Variants in HDAC9 observed in about 807,000 individuals in gnomAD.
HDAC9 encodes histone deacetylase 9.
A neutral mutation model predicts 139.4 loss-of-function variants in HDAC9; 41 were observed. The observed-to-expected ratio is 0.29, with a 90% CI of 0.23 to 0.38. HDAC9 has a LOEUF of 0.38. HDAC9 is among the 10% of genes least tolerant of loss of function. The pLI is 1.00. For missense variants in HDAC9, 1,147 were observed against 1,297.0 expected (o/e 0.88, Z 1.78); for synonymous variants, 517 against 476.2 (o/e 1.09, Z -1.12).
intron 1 of HDAC9, among the ~76,000 whole-genome samples, chr7:18,484,983 A>G (rs560961293): frequency 6.6e-6 from 1 of 152,282 alleles, no homozygotes; most frequent in South Asian, 2.1e-4. Flanking sequence ...TCCTTCAGAC[A>G]TAGCCAAAAT....
chr7:18,728,017 A>G (rs181517383), intron 13 of HDAC9, among the ~76,000 whole-genome samples: 19 of 152,264 alleles, frequency 1.2e-4, no homozygotes, highest in African/African-American at 4.6e-4. Flanking sequence ...GTTTTTTGGA[A>G]ATGAAAATCC....
At chr7:18,228,928 T>C (rs1258271145) in intron 2 of HDAC9, among the ~76,000 whole-genome samples, 1 of 152,196 alleles carries the variant, frequency 6.6e-6, no homozygotes, top group Non-Finnish European at 1.5e-5. Context: ...TTATGTGTGC[T>C]GAGGTCAAAA....
chr7:18,554,246 A>C (rs1381490074), intron 2 of HDAC9, among the ~76,000 whole-genome samples: 2 of 151,700 alleles, frequency 1.3e-5, no homozygotes, highest in African/African-American at 4.8e-5. Context: ...GGAATGATGC[A>C]TACCATAAAA....
chr7:18,459,467 GT>G (rs976675659), intron 1 of HDAC9, among the ~76,000 whole-genome samples: 5 of 151,278 alleles, frequency 3.3e-5, no homozygotes, highest in African/African-American at 7.3e-5. Flanking sequence ...TATTTTTCTA[GT>G]TTTTTTTTAA....
chr7:18,503,877 A>G (rs1799046573), intron 2 of HDAC9, among the ~76,000 whole-genome samples: 1 of 152,206 alleles, frequency 6.6e-6, no homozygotes, highest in Non-Finnish European at 1.5e-5. Context: ...GTGAATGTCT[A>G]AGGCATGACA....
At chr7:18,703,733 C>T (rs1195273938) in intron 12 of HDAC9, among the ~76,000 whole-genome samples, 1 of 148,512 alleles carries the variant, frequency 6.7e-6, no homozygotes, top group Non-Finnish European at 1.5e-5. Context: ...TGATATTTCC[C>T]CCTCTCCTTC....
chr7:18,098,889 C>T (rs1782676543), intron 1 of HDAC9, among the ~76,000 whole-genome samples: 1 of 152,130 alleles, frequency 6.6e-6, no homozygotes, highest in Admixed American at 6.5e-5. Flanking sequence ...CTTTCATATG[C>T]CTCTCTATGG....
chr7:18,318,092 T>A (rs1235103063), intron 1 of HDAC9, among the ~76,000 whole-genome samples: 2 of 152,072 alleles, frequency 1.3e-5, no homozygotes, highest in Admixed American at 1.3e-4. Context: ...AGGAAAAGAA[T>A]TATATCAGAG....
chr7:18,762,226 T>A lies in HDAC9; in HGVS notation c.2113T>A (p.Tyr705Asn). 1 of 1,613,700 alleles carries A rather than the reference T, an allele frequency of 6.2e-7. No homozygotes were observed. The highest frequency in any genetic ancestry group is 8.5e-7 in the Non-Finnish European group (1 of 1,179,722). The change falls in exon 15 of 26, where the codon TAT (tyrosine) becomes AAT (asparagine). Residue 705 changes from tyrosine (Y) to asparagine (N), a missense_variant. Coordinates refer to ENST00000686413, the MANE Select transcript of HDAC9 (RefSeq NM_178425.4). ...TCATTCTGAACATCACTCACTGTTG[T>A]ATGGCACCAACCCCCTGGACGGACA... is the stretch of plus-strand genomic sequence containing the variant. ...LVHSEHHSLL[Y>N]GTNPLDGQKL...
intron 17 of HDAC9, among the ~76,000 whole-genome samples, chr7:18,795,842 A>G (rs1264046432): frequency 6.6e-6 from 1 of 152,228 alleles, no homozygotes; most frequent in African/African-American, 2.4e-5. Context: ...CCCAGACTCA[A>G]ATATGATGGG....
At chr7:18,464,289 A>AT (rs972554198) in intron 1 of HDAC9, among the ~76,000 whole-genome samples, 8 of 151,998 alleles carry the variant, frequency 5.3e-5, no homozygotes, top group African/African-American at 1.9e-4. Flanking sequence ...AAATTGTGGT[A>AT]TTAATTCACT....
rs761249693 is a variant in HDAC9 at position 18,677,484 on chromosome 7, G to A, written c.1731+11008G>A. Among the ~76,000 whole-genome samples the A allele has an allele frequency of 6.6e-5, 10 of 151,762 alleles. 1 individual carries two copies. Among genetic ancestry groups the A allele is most frequent in the Middle Eastern group, 6.3e-3 (2 of 316 alleles). On this transcript the variant is annotated intron_variant, in intron 12 of 25. Coordinates refer to ENST00000686413, the MANE Select transcript of HDAC9 (RefSeq NM_178425.4). The stretch of plus-strand genomic sequence containing the variant: ...TTTCTGTAGAAATTTATTTTATTTC[G>A]TTTGAGTAATTACTTAGGAGTGAAA...
Position 18,760,737 on chromosome 7 carries a change from C to A in HDAC9, c.2044-1420C>A, listed in dbSNP as rs1015849321. ...TCCTGTTACCCCTGCAGACCCCCAC[C>A]AATCCTCCCTCACTGTGACCTGATC... On this transcript the variant is annotated intron_variant, in intron 14 of 25. Transcript: ENST00000686413. Among the ~76,000 whole-genome samples, 8 of 152,184 alleles carry A rather than the reference C, an allele frequency of 5.3e-5. No individual in the cohort carries two copies. The East Asian group carries it at 5.8e-4, about 11-fold the overall frequency.
chr7:18,697,020 T>C (rs1384198634), intron 12 of HDAC9, among the ~76,000 whole-genome samples: 1 of 152,144 alleles, frequency 6.6e-6, no homozygotes, highest in Non-Finnish European at 1.5e-5. Flanking sequence ...TAAATAAAAG[T>C]AACCCAGAGA....
intron 21 of HDAC9, among the ~76,000 whole-genome samples, chr7:18,865,834 C>A (rs1212615885): frequency 2.0e-5 from 3 of 151,614 alleles, no homozygotes; most frequent in African/African-American, 7.3e-5. Context: ...GTTTTTGTAC[C>A]ATTTGAAAAG....
At chr7:18,473,337 A>C (rs1794869100) in intron 1 of HDAC9, among the ~76,000 whole-genome samples, 1 of 152,224 alleles carries the variant, frequency 6.6e-6, no homozygotes, top group Non-Finnish European at 1.5e-5. Flanking sequence ...CTCTAACATT[A>C]ACTCAGAGGA....
At chr7:18,141,269 A>C (rs1039991922) in intron 1 of HDAC9, among the ~76,000 whole-genome samples, 1 of 152,218 alleles carries the variant, frequency 6.6e-6, no homozygotes, top group Non-Finnish European at 1.5e-5. Flanking sequence ...TACTTTAAAA[A>C]ACATTTTTTC....
At chr7:18,711,534 C>T (rs1218718089) in intron 12 of HDAC9, among the ~76,000 whole-genome samples, 2 of 152,192 alleles carry the variant, frequency 1.3e-5, no homozygotes, top group African/African-American at 4.8e-5. Context: ...GAGTCTTGCA[C>T]GTGTTGAGGA....
chr7:18,552,307 C>A (rs74824738), intron 2 of HDAC9, among the ~76,000 whole-genome samples: 2,735 of 152,020 alleles, frequency 0.018, 88 homozygotes, highest in African/African-American at 0.062. Flanking sequence ...AGCCTGCAGA[C>A]TATTTGGAAA....
Sources: gnomAD v4.1 joint callset for allele counts (sites outside exome capture counted in the v4.1 genomes callset) on GRCh38, gnomAD v4.1.1 for gene constraint, MANE v1.5 for transcripts, NCBI Gene and HGNC (gene_info 2026-07-23, HGNC 2026-07-21) for gene names.